Variants in ACTL8 observed in about 807,000 individuals in gnomAD.
The protein encoded by ACTL8 is actin-like protein 8.
ACTL8 carries 3 observed loss-of-function variants against 9.3 expected under a neutral mutation model. The ratio of observed to expected loss-of-function variants is 0.32; its 90% CI spans 0.15 to 0.83. The LOEUF is 0.83. ACTL8 is among the 40% of genes least tolerant of loss of function. The pLI is 0.57. For synonymous variants in ACTL8, 224 were observed against 205.9 expected (o/e 1.09, Z -0.75); for missense variants, 381 against 492.2 (o/e 0.77, Z 2.14).
intron 1 of ACTL8, among the ~76,000 whole-genome samples, chr1:17,784,005 G>A (rs959653883): frequency 1.3e-5 from 2 of 152,220 alleles, no homozygotes; most frequent in Non-Finnish European, 2.9e-5. Context: ...TTGAGCCTTA[G>A]TTGTCTAGTC....
intron 1 of ACTL8, among the ~76,000 whole-genome samples, chr1:17,786,201 C>T (rs1043314441): frequency 2.6e-5 from 4 of 152,172 alleles, no homozygotes; most frequent in Middle Eastern, 3.2e-3. Context: ...CAGAGTCTAA[C>T]AGGAACAGGA....
chr1:17,798,122 T>A (rs2066291538), intron 1 of ACTL8, among the ~76,000 whole-genome samples: 1 of 121,982 alleles, frequency 8.2e-6, no homozygotes. Flanking sequence ...AATTAGCTAA[T>A]TAGGCTGGTG....
rs750906555 is a variant in ACTL8 at position 17,823,157 on chromosome 1, G to C, written c.149G>C (p.Arg50Pro). 1.8e-5 allele frequency: 29 copies of C among 1,614,116 alleles called. No homozygotes were observed. Among genetic ancestry groups the C allele is most frequent in the Middle Eastern group, 3.3e-4 (2 of 6,084 alleles). The change falls in exon 2 of 3, where the codon CGT (arginine) becomes CCT (proline). Residue 50 changes from arginine to proline, a missense_variant. Coordinates refer to ENST00000375406, the MANE Select transcript of ACTL8 (RefSeq NM_030812.3). The surrounding 1 kb of genome is among the most constrained non-coding windows in gnomAD (Gnocchi z 5.3). Reference sequence around the variant, plus strand: ...CCTGGCCCCAGCTATGCCCGTAGGCGTGTGAGCCTGGGCATCGACATTTGC... The same window carrying C: ...CCTGGCCCCAGCTATGCCCGTAGGCCTGTGAGCCTGGGCATCGACATTTGC... Reference protein sequence around the residue: ...ENPGPSYARRRVSLGIDICHP... With the variant: ...ENPGPSYARRPVSLGIDICHP...
In ACTL8 at chr1:17,767,744, C is replaced by T. The variant is rs2066054993; in HGVS notation, c.-25+12240C>T. On this transcript the variant is annotated intron_variant, in intron 1 of 2. Transcript: ENST00000375406. This position sits in a 1 kb window ranked among gnomAD's most constrained non-coding sequence, Gnocchi z 4.7. ...ATGTGTTGCCTGCTCAGTTATGTCTCATTGTTGCCTTTATTTACTTATTTC... is the reference window on the plus strand; with the variant it reads ...ATGTGTTGCCTGCTCAGTTATGTCTTATTGTTGCCTTTATTTACTTATTTC... 6.6e-6 allele frequency among the ~76,000 whole-genome samples: 1 copy of T among 152,174 alleles called. No homozygotes were observed. The highest frequency in any genetic ancestry group is 6.5e-5 in the Admixed American group (1 of 15,278).
intron 1 of ACTL8, among the ~76,000 whole-genome samples, chr1:17,819,489 C>G (rs538333013): frequency 6.6e-6 from 1 of 152,316 alleles, no homozygotes; most frequent in African/African-American, 2.4e-5. Flanking sequence ...GGCTCTCATG[C>G]TCAATAGTGA....
intron 1 of ACTL8, among the ~76,000 whole-genome samples, chr1:17,762,453 C>A (rs74060065): frequency 2.0e-5 from 3 of 152,180 alleles, no homozygotes; most frequent in African/African-American, 7.2e-5. Context: ...GCTTTCAGAC[C>A]GAGAGTCAGC....
chr1:17,820,631 G>A (rs11807488), intron 1 of ACTL8, among the ~76,000 whole-genome samples: 3,416 of 150,700 alleles, frequency 0.023, 129 homozygotes, highest in African/African-American at 0.076. Flanking sequence ...ACAATGGTGC[G>A]ATCTTGGCTC....
chr1:17,762,896 G>GGTA (rs1276156194), intron 1 of ACTL8, among the ~76,000 whole-genome samples: 1 of 152,166 alleles, frequency 6.6e-6, no homozygotes, highest in Non-Finnish European at 1.5e-5. Flanking sequence ...CCATGGGGGT[G>GGTA]GTAGGGCTGC....
intron 1 of ACTL8, among the ~76,000 whole-genome samples, chr1:17,808,221 C>T (rs1282798090): frequency 6.6e-6 from 1 of 152,204 alleles, no homozygotes; most frequent in Non-Finnish European, 1.5e-5. Context: ...TGTGTGCAAA[C>T]ATTGCACAGA....
At chr1:17,798,982 C>T (rs116618776) in intron 1 of ACTL8, among the ~76,000 whole-genome samples, 190 of 152,358 alleles carry the variant, frequency 1.2e-3, no homozygotes, top group African/African-American at 4.1e-3. Context: ...AGTCCACTCA[C>T]GAGCGAGCTC....
chr1:17,771,589 G>C (rs1260916172), intron 1 of ACTL8, among the ~76,000 whole-genome samples: 2 of 152,118 alleles, frequency 1.3e-5, no homozygotes, highest in Non-Finnish European at 2.9e-5. Context: ...AGGGAAGATG[G>C]GATTTGTCCT....
intron 1 of ACTL8, among the ~76,000 whole-genome samples, chr1:17,797,648 CGA>C (rs1557439423): frequency 6.6e-6 from 1 of 152,122 alleles, no homozygotes; most frequent in Admixed American, 6.5e-5. Context: ...AGTGTGCAGT[CGA>C]GAGAATATTC....
Position 17,787,427 on chromosome 1 carries a change from C to G in ACTL8, c.-25+31923C>G, listed in dbSNP as rs540266406. 1.0e-3 allele frequency among the ~76,000 whole-genome samples: 159 copies of G among 152,266 alleles called. 1 individual carries two copies. Among genetic ancestry groups the G allele is most frequent in the Admixed American group, 6.3e-3 (97 of 15,296 alleles). On this transcript the variant is annotated intron_variant, in intron 1 of 2. Transcript: ENST00000375406. ...TACAGGTGTGTGCCACCACGCCCAG[C>G]TAAATTTTTTTCTGTATTTTTAGTA...
intron 1 of ACTL8, among the ~76,000 whole-genome samples, chr1:17,769,451 C>A (rs1211219397): frequency 6.6e-6 from 1 of 152,190 alleles, no homozygotes; most frequent in South Asian, 2.1e-4. Flanking sequence ...AACCCACCTT[C>A]TAGACTTTCC....
At chr1:17,755,844 C>T (rs2065964350) in intron 1 of ACTL8, among the ~76,000 whole-genome samples, 1 of 151,170 alleles carries the variant, frequency 6.6e-6, no homozygotes, top group Non-Finnish European at 1.5e-5. Flanking sequence ...TTATCTCAGC[C>T]TGGTGGAGGG....
At chr1:17,777,988 G>A (rs1002595514) in intron 1 of ACTL8, among the ~76,000 whole-genome samples, 4 of 152,186 alleles carry the variant, frequency 2.6e-5, no homozygotes, top group African/African-American at 9.7e-5. Flanking sequence ...GTGAGCCACC[G>A]TTCCTAGCCC....
intron 1 of ACTL8, among the ~76,000 whole-genome samples, chr1:17,756,318 T>C (rs981190343): frequency 2.6e-5 from 4 of 152,126 alleles, no homozygotes; most frequent in Admixed American, 6.5e-5. Context: ...GGGCTCTTTC[T>C]TGGGGACTCT....
chr1:17,773,697 G>A lies in ACTL8; in HGVS notation c.-25+18193G>A, dbSNP rs1265959322. ...TCCCCTTAGCTGTGTGACTTTGGGC[G>A]ACATTCGTGACCTTTCTGTGCCCAA... On this transcript the variant is annotated intron_variant, in intron 1 of 2. Coordinates refer to ENST00000375406, the MANE Select transcript of ACTL8 (RefSeq NM_030812.3). 3.3e-5 allele frequency among the ~76,000 whole-genome samples: 5 copies of A among 152,198 alleles called. No individual in the cohort carries two copies. The South Asian group carries it at 6.2e-4, about 19-fold the overall frequency.
intron 1 of ACTL8, among the ~76,000 whole-genome samples, chr1:17,778,637 T>G (rs2066132668): frequency 6.6e-6 from 1 of 152,182 alleles, no homozygotes; most frequent in Non-Finnish European, 1.5e-5. Flanking sequence ...TTGGATTTGC[T>G]GTGTGGCTTT....
Sources: gnomAD v4.1 joint callset for allele counts (sites outside exome capture counted in the v4.1 genomes callset) on GRCh38, gnomAD v4.1.1 for gene constraint, Gnocchi (gnomAD v3.1) non-coding constraint, MANE v1.5 for transcripts, NCBI Gene and HGNC (gene_info 2026-07-23, HGNC 2026-07-21) for gene names.